Variants in LCOR observed in about 807,000 individuals in gnomAD.
LCOR encodes the protein ligand-dependent corepressor.
LCOR carries 14 observed loss-of-function variants against 64.4 expected under a neutral mutation model. The ratio of observed to expected loss-of-function variants is 0.22; its 90% confidence interval spans 0.14 to 0.34. LCOR has a LOEUF of 0.34. Ranked by LOEUF, LCOR falls within the 10% of genes least tolerant of loss-of-function variation. The probability of loss-of-function intolerance (pLI) is 1.00; values close to 1 mark genes in which losing one functional copy is unlikely to be tolerated. For missense variants in LCOR, 1,686 were observed against 1,765.3 expected (o/e 0.96, Z 0.80); for synonymous variants, 643 against 642.5 (o/e 1.00, Z -0.01).
At chr10:96,880,661 T>G (rs1452226799) in intron 2 of LCOR, among the ~76,000 whole-genome samples, 1 of 152,180 alleles carries the variant, frequency 6.6e-6, no homozygotes, top group Non-Finnish European at 1.5e-5. Flanking sequence ...GTCTCCCAAA[T>G]TGTTGACATT....
chr10:96,867,933 AG>A (rs1846001917), intron 2 of LCOR, among the ~76,000 whole-genome samples: 1 of 151,766 alleles, frequency 6.6e-6, no homozygotes. Flanking sequence ...TGCTCAGGCT[AG>A]AGTACAATGG....
At chr10:96,949,737 A>G (rs1847645733) in intron 6 of LCOR, among the ~76,000 whole-genome samples, 1 of 152,228 alleles carries the variant, frequency 6.6e-6, no homozygotes. Flanking sequence ...AAGGAAAAAC[A>G]TGTATTCGAA....
At chr10:96,841,174 T>A (rs1400685142) in intron 2 of LCOR, among the ~76,000 whole-genome samples, 1 of 152,124 alleles carries the variant, frequency 6.6e-6, no homozygotes, top group African/African-American at 2.4e-5. Flanking sequence ...CACAGTTGTT[T>A]ACAGAGGTGA....
chr10:96,968,491 A>C (rs547127330), intron 7 of LCOR, among the ~76,000 whole-genome samples: 64 of 152,350 alleles, frequency 4.2e-4, no homozygotes, highest in African/African-American at 1.4e-3. Flanking sequence ...GAAGTTAGCC[A>C]TAAAAATATT....
At chr10:96,924,173 C>G (rs1433908163) in intron 4 of LCOR, among the ~76,000 whole-genome samples, 1 of 152,094 alleles carries the variant, frequency 6.6e-6, no homozygotes, top group Non-Finnish European at 1.5e-5. Context: ...AGGAAACTGG[C>G]TTGTGGGAGA....
intron 7 of LCOR, chr10:96,957,348 C>G (rs1210248634): frequency 1.0e-6 from 1 of 984,776 alleles, no homozygotes; most frequent in Admixed American, 6.2e-5. Flanking sequence ...AATATCTAAG[C>G]TTTTTCTGAG....
rs191650148 is a variant in LCOR at position 96,928,353 on chromosome 10, A to G, written c.-183-15760A>G. ...TTGACAGCATCTTCACCAGGAGTAGATTCCATCGTAAGAAACCACTTTCTT... is the reference window on the plus strand; with the variant it reads ...TTGACAGCATCTTCACCAGGAGTAGGTTCCATCGTAAGAAACCACTTTCTT... On this transcript the variant is annotated intron_variant, in intron 4 of 7. Transcript: ENST00000421806. 3.3e-5 allele frequency among the ~76,000 whole-genome samples: 5 copies of G among 152,292 alleles called. No homozygotes were observed. In the East Asian group the frequency reaches 9.6e-4, roughly 29 times the overall value.
intron 4 of LCOR, among the ~76,000 whole-genome samples, chr10:96,932,614 C>G (rs1452301028): frequency 6.6e-6 from 1 of 152,104 alleles, no homozygotes; most frequent in African/African-American, 2.4e-5. Flanking sequence ...CAGGCGCACG[C>G]CACCACACCT....
intron 4 of LCOR, among the ~76,000 whole-genome samples, chr10:96,916,456 C>G (rs1846946354): frequency 1.3e-5 from 2 of 151,892 alleles, no homozygotes; most frequent in South Asian, 4.1e-4. Context: ...TGTGACTTGC[C>G]TGTCATCTTA....
chr10:96,846,555 A>G (rs764368484), intron 2 of LCOR, among the ~76,000 whole-genome samples: 14 of 152,178 alleles, frequency 9.2e-5, no homozygotes, highest in Non-Finnish European at 1.5e-5. Flanking sequence ...GCCTGTCTGT[A>G]CTGGCTTCTT....
chr10:96,864,483 G>T lies in LCOR; in HGVS notation c.-330+31004G>T, dbSNP rs182463331. On this transcript the variant is annotated intron_variant, in intron 2 of 7. Coordinates refer to ENST00000421806, the MANE Select transcript of LCOR (RefSeq NM_001346516.2). Reference sequence around the variant, plus strand: ...TTTACTAGCTACCAAGCACTATATGGGGATATGGTGATGTGCAAAGCAGAC... The same window carrying T: ...TTTACTAGCTACCAAGCACTATATGTGGATATGGTGATGTGCAAAGCAGAC... 2.0e-5 allele frequency among the ~76,000 whole-genome samples: 3 copies of T among 152,244 alleles called. No homozygotes were observed. In the East Asian group the frequency reaches 5.8e-4, roughly 29 times the overall value.
Position 96,855,413 on chromosome 10 carries a change from G to GT in LCOR, c.-330+21943dup, listed in dbSNP as rs559641956. On this transcript the variant is annotated intron_variant, in intron 2 of 7. Coordinates refer to ENST00000421806, the MANE Select transcript of LCOR (RefSeq NM_001346516.2). Reference sequence around the variant, plus strand: ...GGAACCAAAAGTTTTGACTGACGCTGTTTTTTTTTGTTTTTTGTTTGTTTG... The same window carrying GT: ...GGAACCAAAAGTTTTGACTGACGCTGTTTTTTTTTTGTTTTTTGTTTGTTTG... Among the ~76,000 whole-genome samples, 172 of 147,736 alleles carry GT rather than the reference G, an allele frequency of 1.2e-3. 1 individual carries two copies. The highest frequency in any genetic ancestry group is 1.8e-3 in the Admixed American group (27 of 14,970).
At chr10:96,833,145 G>T in intron 1 of LCOR, 18 of 985,542 alleles carry the variant, frequency 1.8e-5, no homozygotes, top group Non-Finnish European at 2.2e-5. Flanking sequence ...GTTCGGTGTC[G>T]TGCTGCGGGA....
At chr10:96,969,603 T>A (rs1847979499) in intron 7 of LCOR, among the ~76,000 whole-genome samples, 1 of 152,136 alleles carries the variant, frequency 6.6e-6, no homozygotes, top group South Asian at 2.1e-4. Context: ...AGGGTGGGAA[T>A]GTGTATGTTT....
intron 7 of LCOR, among the ~76,000 whole-genome samples, chr10:96,968,108 A>G (rs1332862442): frequency 6.6e-6 from 1 of 152,204 alleles, no homozygotes; most frequent in African/African-American, 2.4e-5. Flanking sequence ...AGTCATTTTC[A>G]AGTATACAGC....
chr10:96,865,498 G>T (rs369086738), intron 2 of LCOR, among the ~76,000 whole-genome samples: 3 of 151,680 alleles, frequency 2.0e-5, no homozygotes, highest in Non-Finnish European at 4.4e-5. Flanking sequence ...TTTTTTTATC[G>T]TGTTTAATTG....
chr10:96,844,499 T>TA (rs762828984), intron 2 of LCOR, among the ~76,000 whole-genome samples: 51 of 152,298 alleles, frequency 3.3e-4, no homozygotes, highest in South Asian at 6.2e-4. Flanking sequence ...CCCATAATCT[T>TA]ACCATAAACA....
intron 2 of LCOR, among the ~76,000 whole-genome samples, chr10:96,838,573 C>T (rs1845485769): frequency 6.6e-6 from 1 of 152,220 alleles, no homozygotes; most frequent in Non-Finnish European, 1.5e-5. Flanking sequence ...TAATTGGAGT[C>T]ATACAATATA....
intron 7 of LCOR, chr10:96,957,539 T>C: frequency 1.0e-6 from 1 of 985,398 alleles, no homozygotes; most frequent in Non-Finnish European, 1.2e-6. Flanking sequence ...CAGGCCCTTC[T>C]AAATGCTTAA....
Sources: gnomAD v4.1 joint callset for allele counts (sites outside exome capture counted in the v4.1 genomes callset) on GRCh38, gnomAD v4.1.1 for gene constraint, MANE v1.5 for transcripts, NCBI Gene and HGNC (gene_info 2026-07-23, HGNC 2026-07-21) for gene names.